PRKCB: variants seen among roughly 807,000 people sequenced by gnomAD.
The protein encoded by PRKCB is protein kinase C beta, also known as protein kinase C beta type.
Under a neutral mutation model 81.5 loss-of-function variants are expected in PRKCB, and 13 were observed. That is an observed-to-expected ratio of 0.16 (90% CI 0.10 to 0.25). PRKCB has a LOEUF of 0.25. Among genes scored for constraint, PRKCB ranks in the 10% least tolerant of loss-of-function variants. The pLI is 1.00. For synonymous variants in PRKCB, 335 were observed against 321.4 expected, an observed-to-expected ratio of 1.04 and a Z score of -0.45; for missense variants, 509 against 875.7, an observed-to-expected ratio of 0.58 and a Z score of 5.29.
chr16:23,933,775 C>CATCT (rs1425488657), intron 2 of PRKCB, among the ~76,000 whole-genome samples: 4 of 125,818 alleles, frequency 3.2e-5, no homozygotes, highest in Non-Finnish European at 6.3e-5. Context: ...CCACTCCATC[C>CATCT]ATCCATCCAT....
chr16:23,879,001 C>A (rs892632164), intron 2 of PRKCB, among the ~76,000 whole-genome samples: 1 of 152,082 alleles, frequency 6.6e-6, no homozygotes, highest in Non-Finnish European at 1.5e-5. Flanking sequence ...CATGGTGAAA[C>A]CCCGTCTCTA....
At chr16:23,844,808 C>CT (rs560552267) in intron 2 of PRKCB, among the ~76,000 whole-genome samples, 73 of 150,044 alleles carry the variant, frequency 4.9e-4, no homozygotes, top group African/African-American at 1.5e-3. Flanking sequence ...CGCCCAGTCT[C>CT]TTTTTTTTGT....
chr16:24,020,981 T>TTTCTTTCC (rs1555491018), intron 3 of PRKCB, among the ~76,000 whole-genome samples: 93 of 94,826 alleles, frequency 9.8e-4, no homozygotes, highest in African/African-American at 3.9e-3. Context: ...TTTCTTTTTC[T>TTTCTTTCC]TTCTTTCTTT....
At chr16:23,937,162 C>G (rs1199033312) in intron 2 of PRKCB, among the ~76,000 whole-genome samples, 1 of 152,142 alleles carries the variant, frequency 6.6e-6, no homozygotes, top group Non-Finnish European at 1.5e-5. Context: ...CCTGCAGGCA[C>G]CATCTGGTGT....
intron 10 of PRKCB, among the ~76,000 whole-genome samples, chr16:24,163,318 T>C (rs1165681131): frequency 1.3e-5 from 2 of 152,184 alleles, no homozygotes; most frequent in Admixed American, 1.3e-4. Context: ...CATCATTGCC[T>C]CCCAGGGGAG....
chr16:24,138,200 A>G (rs1966871598), intron 9 of PRKCB, among the ~76,000 whole-genome samples: 1 of 152,206 alleles, frequency 6.6e-6, no homozygotes, highest in South Asian at 2.1e-4. Flanking sequence ...ACTCAGCTCC[A>G]TAGTCCCCTT....
chr16:24,082,615 G>A (rs7204329), intron 5 of PRKCB, among the ~76,000 whole-genome samples: 27,406 of 151,994 alleles, frequency 0.18, 4,419 homozygotes, highest in African/African-American at 0.43. Context: ...GAAAAAGGAC[G>A]GTCTTTCAAC....
chr16:24,199,072 AG>A (rs1967919170), intron 16 of PRKCB, among the ~76,000 whole-genome samples: 2 of 152,244 alleles, frequency 1.3e-5, no homozygotes, highest in South Asian at 4.1e-4. Context: ...GCATCTGGAC[AG>A]TAGGAAAGGC....
At chr16:23,871,122 G>A (rs970302998) in intron 2 of PRKCB, among the ~76,000 whole-genome samples, 4 of 152,168 alleles carry the variant, frequency 2.6e-5, no homozygotes, top group Admixed American at 6.5e-5. Context: ...TTCTGCATAC[G>A]GGCCCTAAAC....
At chr16:24,093,298 G>A (rs916658802) in intron 6 of PRKCB, among the ~76,000 whole-genome samples, 6 of 152,148 alleles carry the variant, frequency 3.9e-5, no homozygotes, top group African/African-American at 1.4e-4. Flanking sequence ...ACAGGGTGTG[G>A]TGACAGCCTC....
intron 2 of PRKCB, among the ~76,000 whole-genome samples, chr16:23,973,510 C>A (rs1964585213): frequency 6.6e-6 from 1 of 151,664 alleles, no homozygotes. Context: ...TGTGTTGTCA[C>A]ATTTAATCCC....
At position 23,936,341 on chromosome 16, in the gene PRKCB, G is replaced by A. The variant is rs1042769246; in HGVS notation, c.206-52167G>A. Among the ~76,000 whole-genome samples the A allele has an allele frequency of 3.9e-5, 6 of 151,944 alleles. No individual in the cohort carries two copies. In the South Asian group the frequency reaches 8.3e-4, roughly 21 times the overall value. On this transcript the variant is annotated intron_variant, in intron 2 of 16. Coordinates refer to ENST00000643927, the MANE Select transcript of PRKCB (RefSeq NM_002738.7). ...TTTAGATATTTGAATTACTTCCCCT[G>A]TCCACCCCACGTCTAGAAGATCTCT...
intron 2 of PRKCB, 27 bp from the exon 3 acceptor site, chr16:23,988,481 C>T (rs770813136): frequency 6.2e-7 from 1 of 1,602,146 alleles, no homozygotes; most frequent in Admixed American, 1.7e-5. Flanking sequence ...TCTTCCCTTC[C>T]TCCCACCCTG....
rs552992973 is a variant in PRKCB at position 23,850,228 on chromosome 16, A to G, written c.205+12822A>G. Among the ~76,000 whole-genome samples the G allele has an allele frequency of 1.1e-3, 173 of 152,204 alleles. 2 individuals carry two copies. The highest frequency in any genetic ancestry group is 4.0e-3 in the African/African-American group (168 of 41,516). On this transcript the variant is annotated intron_variant, in intron 2 of 16. Coordinates refer to ENST00000643927, the MANE Select transcript of PRKCB (RefSeq NM_002738.7). Reference sequence around the variant, plus strand: ...TCTTTATTCATTCATCCTCTGTTGAACACTTAGGTTGATTCCCTATCTTTG... The same window carrying G: ...TCTTTATTCATTCATCCTCTGTTGAGCACTTAGGTTGATTCCCTATCTTTG...
intron 6 of PRKCB, among the ~76,000 whole-genome samples, chr16:24,093,432 A>C (rs1394756636): frequency 6.6e-6 from 1 of 152,220 alleles, no homozygotes; most frequent in Non-Finnish European, 1.5e-5. Context: ...TTGTACATCT[A>C]GGCATCAGGA....
At chr16:24,058,050 C>T (rs1157383716) in intron 5 of PRKCB, among the ~76,000 whole-genome samples, 1 of 152,150 alleles carries the variant, frequency 6.6e-6, no homozygotes, top group Non-Finnish European at 1.5e-5. Flanking sequence ...TTGTTCTTTT[C>T]CCATGATAGC....
At chr16:24,198,862 TTCCTCCAC>T (rs1218841189) in intron 16 of PRKCB, among the ~76,000 whole-genome samples, 1 of 152,188 alleles carries the variant, frequency 6.6e-6, no homozygotes, top group East Asian at 1.9e-4. Flanking sequence ...AAGATCCCCT[TTCCTCCAC>T]TCCTGACATT....
At chr16:24,093,684 C>T (rs1966404752) in intron 6 of PRKCB, among the ~76,000 whole-genome samples, 1 of 152,140 alleles carries the variant, frequency 6.6e-6, no homozygotes, top group Admixed American at 6.5e-5. Context: ...GTCCTGTCTC[C>T]TCTTCCCTCT....
intron 5 of PRKCB, among the ~76,000 whole-genome samples, chr16:24,071,178 T>A (rs575819484): frequency 1.3e-5 from 2 of 152,100 alleles, no homozygotes; most frequent in East Asian, 3.9e-4. Flanking sequence ...AATGACCTCG[T>A]CTTCATGATA....
Sources: allele counts gnomAD v4.1 joint callset (sites outside exome capture counted in the v4.1 genomes callset), GRCh38; gene constraint gnomAD v4.1.1; transcripts MANE v1.5; gene names NCBI Gene and HGNC (gene_info 2026-07-23, HGNC 2026-07-21).